The following POLR3E variants were observed in gnomAD, a reference collection of about 807,000 sequenced individuals.
The protein encoded by POLR3E is RNA polymerase III subunit E.
POLR3E carries 41 observed loss-of-function variants against 96.6 expected under a neutral mutation model. The observed-to-expected ratio is 0.42, with a 90% CI of 0.33 to 0.55. POLR3E has a LOEUF of 0.55. Ranked by LOEUF, POLR3E falls within the 20% of genes least tolerant of loss-of-function variation. The pLI is 0.06. For synonymous variants in POLR3E, 396 were observed against 383.6 expected (o/e 1.03, Z -0.38); for missense variants, 849 against 952.1 (o/e 0.89, Z 1.43).
intron 19 of POLR3E, among the ~76,000 whole-genome samples, chr16:22,330,481 T>C (rs1423313863): frequency 2.0e-5 from 3 of 152,242 alleles, no homozygotes; most frequent in African/African-American, 7.2e-5. Flanking sequence ...TAATATACTA[T>C]GATTGCATTT....
chr16:22,314,725 C>T (rs1215257959), intron 8 of POLR3E, among the ~76,000 whole-genome samples: 1 of 152,156 alleles, frequency 6.6e-6, no homozygotes, highest in Non-Finnish European at 1.5e-5. Context: ...GCGCAGGGAG[C>T]TCATCCTGTT....
Position 22,332,166 on chromosome 16 carries a change from A to T in POLR3E, c.2051A>T (p.Glu684Val). ...TGTGGAGAAGATCTCAGTAAACAGG[A>T]GGTGGATAAAGTACTAAAGGTACAT... ...QECGEDLSKQEVDKVLKDCCV... is the reference protein window; with the variant it reads ...QECGEDLSKQVVDKVLKDCCV... The change falls in exon 20 of 21, where the codon GAG (glutamate) becomes GTG (valine). Residue 684 changes from glutamate (E) to valine (V), a missense_variant. Transcript: ENST00000299853. 6.2e-7 allele frequency: 1 copy of T among 1,613,390 alleles called. No individual in the cohort carries two copies. The highest frequency in any genetic ancestry group is 8.5e-7 in the Non-Finnish European group (1 of 1,179,358).
chr16:22,326,245 G>A lies in POLR3E; in HGVS notation c.1833G>A (p.Val611=), dbSNP rs2048590424. Reference sequence around the variant, plus strand: ...CGGACCGCATGCTACAGGACACGGTGCTGGCCGCCGGTTGCAAGCAGATAC... The same window carrying A: ...CGGACCGCATGCTACAGGACACGGTACTGGCCGCCGGTTGCAAGCAGATAC... ...GISDRMLQDT[V]LAAGCKQILV... is the part of the protein sequence containing the mutation. The change falls in exon 18 of 21, where the codon GTG becomes GTA. Residue 611 remains valine (V), a synonymous_variant. Transcript: ENST00000299853. The A allele has an allele frequency of 1.9e-6, 3 of 1,605,768 alleles. No homozygotes were observed. Among genetic ancestry groups the A allele is most frequent in the Non-Finnish European group, 2.6e-6 (3 of 1,175,906 alleles).
chr16:22,308,551 TC>T, intron 4 of POLR3E: 1 of 453,708 alleles, frequency 2.2e-6, no homozygotes, highest in Non-Finnish European at 4.0e-6. Context: ...GGTCTGCAGC[TC>T]TAGCCCCTCC....
chr16:22,308,231 G>A lies in POLR3E; in HGVS notation c.165+6G>A, dbSNP rs1472269816. ...TCAAGCCCAAGCAGCAGAAGGTGGG[G>A]CTGCCCCCTGAGGGCAGTTGGGGCC... On this transcript the variant is annotated splice_donor_region_variant and intron_variant, in intron 4 of 20. Coordinates refer to ENST00000299853, the MANE Select transcript of POLR3E (RefSeq NM_018119.4). 2 of 1,611,152 alleles carry A rather than the reference G, an allele frequency of 1.2e-6. No individual in the cohort carries two copies. Among genetic ancestry groups the A allele is most frequent in the Admixed American group, 1.7e-5 (1 of 60,008 alleles).
rs1253142857 is a variant in POLR3E at position 22,308,981 on chromosome 16, G to A, written c.222G>A (p.Gly74=). 8 of 1,614,130 alleles carry A rather than the reference G, an allele frequency of 5.0e-6. No homozygotes were observed. The highest frequency in any genetic ancestry group is 1.1e-5 in the South Asian group (1 of 91,082). The part of the protein sequence containing the change: ...TLNPNYCRSK[G]EQIALNVDGA... ...ACCCCAACTATTGCCGCAGCAAAGG[G>A]GAGCAGATTGCGCTGAACGTGGACG... The change falls in exon 5 of 21, where the codon GGG becomes GGA. Residue 74 remains glycine (G), a synonymous_variant. Transcript: ENST00000299853.
At chr16:22,301,516 G>A (rs1178519972) in intron 1 of POLR3E, among the ~76,000 whole-genome samples, 1 of 152,184 alleles carries the variant, frequency 6.6e-6, no homozygotes, top group Non-Finnish European at 1.5e-5. Flanking sequence ...AAGAAGCAGA[G>A]GTTGCAGTGA....
In POLR3E at chr16:22,326,045, T is replaced by C. The variant is rs1388254524; in HGVS notation, c.1633T>C (p.Phe545Leu). ...PLGRAAGTDSFNGHPPQGCAS... is the reference protein window; with the variant it reads ...PLGRAAGTDSLNGHPPQGCAS... ...CGGGCGGGCTGCGGGCACAGACAGCTTCAACGGGCACCCGCCCCAGGGCTG... is the reference window on the plus strand; with the variant it reads ...CGGGCGGGCTGCGGGCACAGACAGCCTCAACGGGCACCCGCCCCAGGGCTG... Residue 545 changes from phenylalanine to leucine, a missense_variant, in exon 18 of 21, where the codon TTC (phenylalanine) becomes CTC (leucine). By Grantham distance (22) the Phe-to-Leu change is conservative. Coordinates refer to ENST00000299853, the MANE Select transcript of POLR3E (RefSeq NM_018119.4). 6.2e-7 allele frequency: 1 copy of C among 1,606,330 alleles called. No homozygotes were observed. The highest frequency in any genetic ancestry group is 1.7e-5 in the Admixed American group (1 of 59,496).
chr16:22,304,769 G>A (rs1314475278), intron 2 of POLR3E, among the ~76,000 whole-genome samples: 3 of 152,204 alleles, frequency 2.0e-5, no homozygotes, highest in Non-Finnish European at 4.4e-5. Flanking sequence ...AGGAGGGGCA[G>A]GTGGAGGGCC....
chr16:22,317,231 C>T (rs957086535), intron 12 of POLR3E, 25 bp downstream of exon 12: 12 of 1,569,654 alleles, frequency 7.6e-6, no homozygotes, highest in African/African-American at 5.4e-5. Flanking sequence ...CCTGCCCACC[C>T]GGGGGCCCCA....
Position 22,325,743 on chromosome 16 carries a change from C to T in POLR3E, c.1349-18C>T, listed in dbSNP as rs767884445. On this transcript the variant is annotated intron_variant, in intron 17 of 20. Coordinates refer to ENST00000299853, the MANE Select transcript of POLR3E (RefSeq NM_018119.4). ...GATCCCTGTGCCCTCCTGAGCAGTGCTGCCTCCCTCCCCGCAGGGCCTGCC... is the reference window on the plus strand; with the variant it reads ...GATCCCTGTGCCCTCCTGAGCAGTGTTGCCTCCCTCCCCGCAGGGCCTGCC... 4.5e-6 allele frequency: 7 copies of T among 1,541,458 alleles called. No individual in the cohort carries two copies.
rs2048310546 is a variant in POLR3E, at chr16:22,314,246, C to A, written c.522+118C>A. On this transcript the variant is annotated intron_variant, in intron 8 of 20. Coordinates refer to ENST00000299853, the MANE Select transcript of POLR3E (RefSeq NM_018119.4). ...AGCAGACAGGGCCCATGCTTTTGAG[C>A]CTTCTTGCTGGGCTACCTGGAGGGA... is the stretch of plus-strand genomic sequence containing the variant. 15 of 792,682 alleles carry A rather than the reference C, an allele frequency of 1.9e-5. No individual in the cohort carries two copies. In the South Asian group the frequency reaches 1.9e-4, roughly 10 times the overall value. The allele number at this position is 792,682 out of a possible 1,614,324, so 49.1% of individuals were successfully genotyped here.
Position 22,326,077 on chromosome 16 carries a change from C to A in POLR3E, c.1665C>A (p.Ser555Arg). ...GGCACCCGCCCCAGGGCTGCGCCAG[C>A]ACCCCTGTGGCTCGGGAACTGAAGG... is the stretch of plus-strand genomic sequence containing the variant. Reference protein sequence around the residue: ...FNGHPPQGCASTPVARELKAF... With the variant: ...FNGHPPQGCARTPVARELKAF... Residue 555 changes from serine to arginine, a missense_variant, in exon 18 of 21, where the codon AGC (serine) becomes AGA (arginine). Coordinates refer to ENST00000299853, the MANE Select transcript of POLR3E (RefSeq NM_018119.4). The A allele has an allele frequency of 1.2e-6, 2 of 1,612,684 alleles. No homozygotes were observed. The highest frequency in any genetic ancestry group is 1.7e-6 in the Non-Finnish European group (2 of 1,179,174).
Position 22,305,181 on chromosome 16 carries a change from T to C in POLR3E, c.62T>C (p.Leu21Pro), listed in dbSNP as rs990064582. ...ATCGATGTGTACTTGGCCAAGAGTC[T>C]GGCGGAAAAGCTGTATCTATTTCAG... ...QEIDVYLAKS[L>P]AEKLYLFQYP... Residue 21 changes from leucine (L) to proline (P), a missense_variant, in exon 3 of 21, where the codon CTG (leucine) becomes CCG (proline). By Grantham distance (98) the Leu-to-Pro change is moderately conservative. Coordinates refer to ENST00000299853, the MANE Select transcript of POLR3E (RefSeq NM_018119.4). 2 of 1,613,268 alleles carry C rather than the reference T, an allele frequency of 1.2e-6. No individual in the cohort carries two copies. Among genetic ancestry groups the C allele is most frequent in the Non-Finnish European group, 1.7e-6 (2 of 1,179,294 alleles).
At chr16:22,302,692 C>G (rs931622543) in intron 1 of POLR3E, 2 of 508,702 alleles carry the variant, frequency 3.9e-6, no homozygotes, top group African/African-American at 3.9e-5. Flanking sequence ...GCAGCCCACA[C>G]TTGTTGGCTT....
chr16:22,322,255 T>G lies in POLR3E; in HGVS notation c.987-595T>G, dbSNP rs148510639. Among the ~76,000 whole-genome samples, 3 of 151,930 alleles carry G rather than the reference T, an allele frequency of 2.0e-5. No individual in the cohort carries two copies. Among genetic ancestry groups the G allele is most frequent in the African/African-American group, 7.3e-5 (3 of 41,348 alleles). On this transcript the variant is annotated intron_variant, in intron 13 of 20. Coordinates refer to ENST00000299853, the MANE Select transcript of POLR3E (RefSeq NM_018119.4). The surrounding 1 kb of genome is among the most constrained non-coding windows in gnomAD (Gnocchi z 5.2). ...TGCCGCAGCAGGGGCTGAGCCGGGG[T>G]TGCAGGGCCTGTGGCTGGAGCTGGG...
rs138254865 is a variant in POLR3E at position 22,309,818 on chromosome 16, A to G, written c.364+308A>G. ...TAGGGACAGAATTTTGTCTTTAAAT[A>G]TGAAGCTTATGACAGAGCAATTCCA... On this transcript the variant is annotated intron_variant, in intron 6 of 20. Coordinates refer to ENST00000299853, the MANE Select transcript of POLR3E (RefSeq NM_018119.4). The G allele has an allele frequency of 7.9e-4, 342 of 433,756 alleles. 4 individuals carry two copies. In the East Asian group the frequency reaches 0.014, roughly 18 times the overall value. 26.9% of individuals were successfully genotyped at this position (433,756 alleles called of 1,614,324 possible). A position where few individuals can be genotyped will look rare whatever the true frequency, so the allele number is the denominator to read the frequency against.
chr16:22,330,286 T>C (rs2048710001), intron 19 of POLR3E, among the ~76,000 whole-genome samples: 1 of 152,148 alleles, frequency 6.6e-6, no homozygotes, highest in African/African-American at 2.4e-5. Flanking sequence ...GGTCCCACCA[T>C]GTTGGCCAGG....
Position 22,324,574 on chromosome 16 carries a change from C to T in POLR3E, c.1200C>T (p.Phe400=). 2 of 1,613,400 alleles carry T rather than the reference C, an allele frequency of 1.2e-6. No individual in the cohort carries two copies. The highest frequency in any genetic ancestry group is 1.3e-5 in the African/African-American group (1 of 74,906). ...AVVRINKGWE[F]ILPYDGEFIK... is the part of the protein sequence containing the mutation. ...TGAGGATCAACAAAGGCTGGGAGTT[C>T]ATTCTGCCTTATGATGGGGAGTTCA... Residue 400 remains phenylalanine, a synonymous_variant, in exon 16 of 21, where the codon TTC becomes TTT. Coordinates refer to ENST00000299853, the MANE Select transcript of POLR3E (RefSeq NM_018119.4).
Sources: gnomAD v4.1 joint callset for allele counts (sites outside exome capture counted in the v4.1 genomes callset) on GRCh38, gnomAD v4.1.1 for gene constraint, Gnocchi (gnomAD v3.1) non-coding constraint, MANE v1.5 for transcripts, NCBI Gene and HGNC (gene_info 2026-07-23, HGNC 2026-07-21) for gene names.